Variants in PRDM6 observed in about 807,000 individuals in gnomAD.
The protein encoded by PRDM6 is putative histone-lysine N-methyltransferase PRDM6.
PRDM6 carries 25 observed loss-of-function variants against 60.8 expected under a neutral mutation model. The observed-to-expected ratio is 0.41, with a 90% confidence interval of 0.30 to 0.57. PRDM6 has a LOEUF of 0.57. Among genes scored for constraint, PRDM6 ranks in the 20% least tolerant of loss-of-function variants. The pLI is 0.27. For missense variants in PRDM6, 839 were observed against 821.3 expected (o/e 1.02, Z -0.26); for synonymous variants, 407 against 357.4 (o/e 1.14, Z -1.57).
At chr5:123,164,977 C>G (rs1765722277) in intron 5 of PRDM6, among the ~76,000 whole-genome samples, 1 of 152,170 alleles carries the variant, frequency 6.6e-6, no homozygotes, top group African/African-American at 2.4e-5. Flanking sequence ...AAAGGACATT[C>G]ATTCCATCCA....
rs1277616356 is a variant in PRDM6, at chr5:123,099,281, G to A, written c.593-373G>A. The stretch of plus-strand genomic sequence containing the variant: ...GTCAGAAGGAACGAGAGACAGTAGG[G>A]AAGAGAGAGAGAGAGACAGAGACAG... On this transcript the variant is annotated intron_variant, in intron 2 of 7. Coordinates refer to ENST00000407847, the MANE Select transcript of PRDM6 (RefSeq NM_001136239.4). This position sits in a 1 kb window ranked among gnomAD's most constrained non-coding sequence, Gnocchi z 4.0. Among the ~76,000 whole-genome samples the A allele has an allele frequency of 6.6e-5, 10 of 152,110 alleles. No homozygotes were observed. Among genetic ancestry groups the A allele is most frequent in the Admixed American group, 6.5e-4 (10 of 15,274 alleles).
intron 3 of PRDM6, among the ~76,000 whole-genome samples, chr5:123,131,642 C>G (rs373580978): frequency 2.0e-5 from 3 of 152,156 alleles, no homozygotes; most frequent in East Asian, 3.9e-4. Context: ...GTGGCTGTGT[C>G]TATCACAACA....
At chr5:123,132,302 A>AT (rs1415799512) in intron 3 of PRDM6, among the ~76,000 whole-genome samples, 1 of 152,186 alleles carries the variant, frequency 6.6e-6, no homozygotes, top group African/African-American at 2.4e-5. Flanking sequence ...GCCTTTCAAA[A>AT]TTAGAATTAT....
chr5:123,156,451 A>T (rs112650149), intron 4 of PRDM6, among the ~76,000 whole-genome samples: 25 of 152,298 alleles, frequency 1.6e-4, no homozygotes, highest in African/African-American at 5.1e-4. Flanking sequence ...AGCATGGGAA[A>T]CCAAGAACTC....
chr5:123,123,410 A>G (rs954196098), intron 3 of PRDM6, among the ~76,000 whole-genome samples: 41 of 152,226 alleles, frequency 2.7e-4, no homozygotes, highest in African/African-American at 9.6e-4. Context: ...AAGGATGTGT[A>G]GAACCATGTG....
chr5:123,166,990 G>A (rs1765767194), intron 5 of PRDM6, among the ~76,000 whole-genome samples: 1 of 152,110 alleles, frequency 6.6e-6, no homozygotes, highest in South Asian at 2.1e-4. Context: ...TGTCTATGTT[G>A]TCTTTCTTGT....
At chr5:123,174,089 T>G (rs946027218) in intron 6 of PRDM6, among the ~76,000 whole-genome samples, 1 of 152,238 alleles carries the variant, frequency 6.6e-6, no homozygotes, top group Non-Finnish European at 1.5e-5. Context: ...TTTTGGATTT[T>G]GGGTTGTTTT....
intron 3 of PRDM6, among the ~76,000 whole-genome samples, chr5:123,140,660 C>T (rs1765076187): frequency 6.6e-6 from 1 of 152,038 alleles, no homozygotes; most frequent in Admixed American, 6.6e-5. Context: ...TAAAAAATGG[C>T]ACATATCTTG....
At chr5:123,093,989 C>G (rs1338832897) in intron 2 of PRDM6, among the ~76,000 whole-genome samples, 2 of 151,740 alleles carry the variant, frequency 1.3e-5, no homozygotes, top group Admixed American at 6.6e-5. Flanking sequence ...TGTCCCCTCC[C>G]GATTTACTGG....
chr5:123,111,484 G>T (rs963566401), intron 3 of PRDM6, among the ~76,000 whole-genome samples: 1 of 152,176 alleles, frequency 6.6e-6, no homozygotes, highest in Non-Finnish European at 1.5e-5. Flanking sequence ...GGATCACGAG[G>T]TCAGGAGATC....
At chr5:123,184,563 T>C (rs1766240667) in intron 7 of PRDM6, among the ~76,000 whole-genome samples, 1 of 152,124 alleles carries the variant, frequency 6.6e-6, no homozygotes, top group Non-Finnish European at 1.5e-5. Flanking sequence ...CTGCACGAAG[T>C]CCAGGCTTAG....
At chr5:123,110,568 C>CTTTTT (rs974674301) in intron 3 of PRDM6, among the ~76,000 whole-genome samples, 1 of 116,928 alleles carries the variant, frequency 8.6e-6, no homozygotes, top group Non-Finnish European at 1.7e-5. Context: ...TTTTTTTTTT[C>CTTTTT]TTTTTTTTTT....
chr5:123,120,042 C>T (rs964908242), intron 3 of PRDM6, among the ~76,000 whole-genome samples: 2 of 151,864 alleles, frequency 1.3e-5, no homozygotes, highest in Non-Finnish European at 2.9e-5. Flanking sequence ...GCTTAATATA[C>T]ATTAGGTATC....
At chr5:123,142,907 C>CAAAA (rs1326959214) in intron 3 of PRDM6, among the ~76,000 whole-genome samples, 1 of 67,774 alleles carries the variant, frequency 1.5e-5, no homozygotes, top group African/African-American at 5.9e-5. Context: ...AAAAAACAAA[C>CAAAA]AAACCAAAGC....
intron 2 of PRDM6, among the ~76,000 whole-genome samples, chr5:123,094,457 T>TCG (rs1763914182): frequency 6.6e-6 from 1 of 150,476 alleles, no homozygotes; most frequent in South Asian, 2.1e-4. Context: ...TCTCTCTCTC[T>TCG]CGCGTGTGTG....
chr5:123,158,083 G>T (rs750539015), intron 4 of PRDM6, among the ~76,000 whole-genome samples: 1 of 152,104 alleles, frequency 6.6e-6, no homozygotes, highest in African/African-American at 2.4e-5. Flanking sequence ...TCCGCCTTTC[G>T]GCCTATTCGG....
At chr5:123,123,421 G>T (rs978158756) in intron 3 of PRDM6, among the ~76,000 whole-genome samples, 2 of 152,132 alleles carry the variant, frequency 1.3e-5, no homozygotes, top group African/African-American at 4.8e-5. Context: ...GAACCATGTG[G>T]CTGGCTATTG....
At chr5:123,178,336 A>G (rs1260312598) in intron 6 of PRDM6, among the ~76,000 whole-genome samples, 1 of 152,232 alleles carries the variant, frequency 6.6e-6, no homozygotes, top group Non-Finnish European at 1.5e-5. Flanking sequence ...CAGTGAATAT[A>G]GCATATATTA....
intron 3 of PRDM6, among the ~76,000 whole-genome samples, chr5:123,148,516 CAT>C (rs1765299297): frequency 6.6e-6 from 1 of 150,644 alleles, no homozygotes; most frequent in Admixed American, 6.6e-5. Context: ...GCTGAACACA[CAT>C]AATATGGGCA....
Sources: allele counts gnomAD v4.1 joint callset (sites outside exome capture counted in the v4.1 genomes callset), GRCh38; gene constraint gnomAD v4.1.1; non-coding constraint Gnocchi (gnomAD v3.1); transcripts MANE v1.5; gene names NCBI Gene and HGNC (gene_info 2026-07-23, HGNC 2026-07-21).